FRRS1: variants seen among roughly 807,000 people sequenced by gnomAD.
FRRS1 encodes ferric reductase 1.
Under a neutral mutation model 70.7 loss-of-function variants are expected in FRRS1, and 51 were observed. The observed-to-expected ratio is 0.72, with a 90% CI of 0.58 to 0.91. FRRS1 has a LOEUF of 0.91. Ranked by LOEUF, FRRS1 falls within the 40% of genes least tolerant of loss-of-function variation. The probability of loss-of-function intolerance (pLI) is 0.00; values close to 1 mark genes in which losing one functional copy is unlikely to be tolerated. For missense variants in FRRS1, 672 were observed against 726.0 expected, an observed-to-expected ratio of 0.93 and a Z score of 0.86; for synonymous variants, 225 against 238.7, an observed-to-expected ratio of 0.94 and a Z score of 0.53.
chr1:99,716,480 G>T (rs987543225), intron 11 of FRRS1, among the ~76,000 whole-genome samples: 2 of 152,234 alleles, frequency 1.3e-5, no homozygotes, highest in Non-Finnish European at 2.9e-5. Context: ...GCACGCAAGT[G>T]CAAGCAAGAA....
In FRRS1 at chr1:99,740,932, ACTGTGACT is replaced by A; in HGVS notation, c.429_436del (p.Val144CysfsTer2). ...CCAGTAGATTTTATACTTCTCAACA[ACTGTGACT>A]CTGAAATGCAATACCAGTGAGATTA... On this transcript the variant is annotated frameshift_variant and splice_region_variant, in exon 6 of 17. Coordinates refer to ENST00000646001, the MANE Select transcript of FRRS1 (RefSeq NM_001361041.2). LOFTEE classifies it high-confidence loss of function. 1 of 1,611,726 alleles carries A rather than the reference ACTGTGACT, an allele frequency of 6.2e-7. No individual in the cohort carries two copies.
chr1:99,737,996 C>T (rs2100959426), intron 7 of FRRS1, 90 bp downstream of exon 7: 1 of 1,073,590 alleles, frequency 9.3e-7, no homozygotes, highest in Non-Finnish European at 1.3e-6. Flanking sequence ...CTGCCTCGGC[C>T]TCCCAAAGTG....
Position 99,708,847 on chromosome 1 carries a change from T to C in FRRS1, c.*181A>G. 1 of 1,268,354 alleles carries C rather than the reference T, an allele frequency of 7.9e-7. No individual in the cohort carries two copies. The highest frequency in any genetic ancestry group is 1.2e-6 in the Non-Finnish European group (1 of 869,528). The allele number at this position is 1,268,354 out of a possible 1,614,324, so 78.6% of individuals were successfully genotyped here. ...TAGGGCATGACATTAATTTATAGTC[T>C]ATATGACCCTCTTGAATGTTGTTCT... On this transcript the variant is annotated 3_prime_UTR_variant, in exon 17 of 17. Transcript: ENST00000646001.
chr1:99,717,312 C>G, intron 11 of FRRS1, 98 bp downstream of exon 11: 1 of 816,930 alleles, frequency 1.2e-6, no homozygotes, highest in Non-Finnish European at 2.1e-6. Context: ...ACAACTGCAA[C>G]CACAAAACGC....
intron 1 of FRRS1, among the ~76,000 whole-genome samples, chr1:99,755,189 G>C (rs1033708815): frequency 1.2e-4 from 18 of 152,074 alleles, no homozygotes; most frequent in African/African-American, 4.3e-4. Flanking sequence ...GGAGACTAAA[G>C]CCGGAGAATT....
chr1:99,759,253 C>G (rs1188875820), intron 1 of FRRS1, among the ~76,000 whole-genome samples: 1 of 152,194 alleles, frequency 6.6e-6, no homozygotes, highest in African/African-American at 2.4e-5. Flanking sequence ...TTTTGAGGCT[C>G]AGGGGGCATC....
At chr1:99,748,115 T>G (rs1208764274) in intron 3 of FRRS1, 1 of 157,094 alleles carries the variant, frequency 6.4e-6, no homozygotes, top group Admixed American at 6.4e-5. Flanking sequence ...CTATATACTC[T>G]CTATGTAACA....
At chr1:99,731,054 C>G (rs1012097) in intron 7 of FRRS1, among the ~76,000 whole-genome samples, 1 of 151,748 alleles carries the variant, frequency 6.6e-6, no homozygotes, top group African/African-American at 2.4e-5. Context: ...AGAAATAAAA[C>G]AGAATAAAAT....
chr1:99,740,872 T>G lies in FRRS1; in HGVS notation c.497A>C (p.Asn166Thr). Residue 166 changes from asparagine (N) to threonine (T), a missense_variant, in exon 6 of 17, where the codon AAT becomes ACT. Coordinates refer to ENST00000646001, the MANE Select transcript of FRRS1 (RefSeq NM_001361041.2). ...KIPGPIISQP[N>T]AFPFTTPKAT... is the part of the protein sequence containing the mutation. ...TTTAGGTGTTGTAAAAGGAAATGCA[T>G]TTGGTTGTGAAATTATAGGACCAGG... is the stretch of plus-strand genomic sequence containing the variant. 6.2e-7 allele frequency: 1 copy of G among 1,611,670 alleles called. No individual in the cohort carries two copies.
intron 1 of FRRS1, among the ~76,000 whole-genome samples, chr1:99,755,379 A>G (rs558757628): frequency 3.8e-4 from 58 of 151,942 alleles, no homozygotes; most frequent in African/African-American, 1.3e-3. Flanking sequence ...GTGAGCTATG[A>G]TTGTGACACT....
intron 4 of FRRS1, among the ~76,000 whole-genome samples, chr1:99,744,969 CAAAAAAAAAAAAAAAA>C (rs71075450): frequency 2.2e-5 from 2 of 91,748 alleles, no homozygotes; most frequent in East Asian, 3.4e-4. Context: ...GACTCCGTCT[CAAAAAAAAAAAAAAAA>C]AAAAAAAAAA....
intron 10 of FRRS1, among the ~76,000 whole-genome samples, chr1:99,719,087 A>C (rs1416639297): frequency 1.3e-5 from 2 of 151,484 alleles, no homozygotes; most frequent in Non-Finnish European, 2.9e-5. Context: ...AAAAAAGATG[A>C]TGCTGCCTGC....
At chr1:99,762,636 A>T (rs767219633) in intron 1 of FRRS1, among the ~76,000 whole-genome samples, 1 of 152,154 alleles carries the variant, frequency 6.6e-6, no homozygotes, top group Non-Finnish European at 1.5e-5. Flanking sequence ...TTCTGTTTAG[A>T]TAACAAAAAA....
chr1:99,739,316 A>G (rs1322767367), intron 6 of FRRS1, among the ~76,000 whole-genome samples: 1 of 152,250 alleles, frequency 6.6e-6, no homozygotes, highest in Non-Finnish European at 1.5e-5. Flanking sequence ...AAGTTCCAAC[A>G]AGAGCCTTTG....
chr1:99,718,992 C>T (rs1654670616), intron 10 of FRRS1, among the ~76,000 whole-genome samples: 2 of 151,808 alleles, frequency 1.3e-5, no homozygotes, highest in African/African-American at 2.4e-5. Flanking sequence ...AGGTTAAAAC[C>T]ACTGAATTAG....
rs777387820 is a variant in FRRS1 at position 99,747,362 on chromosome 1, G to A, written c.265C>T (p.Pro89Ser). ...EARNAEDLNG[P>S]PIGSFTLIDS... ...ATCAATGTGAAGGAGCCAATAGGAG[G>A]GCCATTCAGATCCTCAGCATTACGC... Residue 89 changes from proline (P) to serine (S), a missense_variant, in exon 4 of 17, where the codon CCT becomes TCT. Transcript: ENST00000646001. The A allele has an allele frequency of 2.5e-6, 4 of 1,613,652 alleles. No homozygotes were observed. The highest frequency in any genetic ancestry group is 3.4e-6 in the Non-Finnish European group (4 of 1,179,636).
At chr1:99,744,827 G>A (rs532651266) in intron 4 of FRRS1, among the ~76,000 whole-genome samples, 6 of 151,470 alleles carry the variant, frequency 4.0e-5, no homozygotes, top group Admixed American at 6.6e-5. Flanking sequence ...AAAATTAGCC[G>A]GGCGTTGTGG....
In FRRS1 at chr1:99,707,671, T is replaced by C. The variant is rs1267994083; in HGVS notation, c.*1357A>G. On this transcript the variant is annotated 3_prime_UTR_variant, in exon 17 of 17. Coordinates refer to ENST00000646001, the MANE Select transcript of FRRS1 (RefSeq NM_001361041.2). ...GGAAATGCCATCCGGTAATGTTACC[T>C]AAATACTAGAAAGGAATCAGCACAA... is the stretch of plus-strand genomic sequence containing the variant. 6.6e-6 allele frequency among the ~76,000 whole-genome samples: 1 copy of C among 152,216 alleles called. No homozygotes were observed. The highest frequency in any genetic ancestry group is 1.5e-5 in the Non-Finnish European group (1 of 68,030).
intron 1 of FRRS1, among the ~76,000 whole-genome samples, chr1:99,753,236 A>AG (rs1220504252): frequency 4.0e-5 from 6 of 150,150 alleles, no homozygotes; most frequent in South Asian, 2.1e-4. Flanking sequence ...AAAAAAAAAA[A>AG]AAGGCTGGGT....
Sources: allele counts gnomAD v4.1 joint callset (sites outside exome capture counted in the v4.1 genomes callset), GRCh38; gene constraint gnomAD v4.1.1; transcripts MANE v1.5; gene names NCBI Gene and HGNC (gene_info 2026-07-23, HGNC 2026-07-21).